Variants in DPP6 observed in about 807,000 individuals in gnomAD.
DPP6 encodes dipeptidyl peptidase like 6.
Under a neutral mutation model 122.6 loss-of-function variants are expected in DPP6, and 69 were observed. The ratio of observed to expected loss-of-function variants is 0.56; its 90% CI spans 0.46 to 0.69. The LOEUF (loss-of-function observed/expected upper bound fraction) is 0.69. Among genes scored for constraint, DPP6 ranks in the 30% least tolerant of loss-of-function variants. DPP6 has a pLI of 0.00. For missense variants in DPP6, 928 were observed against 1,116.9 expected, an observed-to-expected ratio of 0.83 and a Z score of 2.41; for synonymous variants, 418 against 433.1, an observed-to-expected ratio of 0.97 and a Z score of 0.43.
the DPP6 span, among the ~76,000 whole-genome samples, chr7:153,797,902 C>T: frequency 7.9e-5 from 12 of 152,112 alleles, no homozygotes; most frequent in South Asian, 1.0e-3. Flanking sequence ...AGTGCGGTGG[C>T]GAGATCTTGG....
chr7:154,677,379 T>G (rs1415716329), intron 7 of DPP6, among the ~76,000 whole-genome samples: 1 of 150,000 alleles, frequency 6.7e-6, no homozygotes, highest in Non-Finnish European at 1.5e-5. Context: ...TCAAGAAAAT[T>G]GGAGTTGAGG....
chr7:154,775,344 C>T lies in DPP6; in HGVS notation c.1136+2402C>T, dbSNP rs142612580. On this transcript the variant is annotated intron_variant, in intron 10 of 25. Transcript: ENST00000377770. ...GGATCATAGGGCTGGTTCCTCCAAT[C>T]GTTCCATCTTGTGGCTATACATACC... Among the ~76,000 whole-genome samples, 763 of 152,310 alleles carry T rather than the reference C, an allele frequency of 5.0e-3. 8 individuals are homozygous for T. Among genetic ancestry groups the T allele is most frequent in the Non-Finnish European group, 8.5e-3 (576 of 68,030 alleles).
At chr7:153,944,674 T>A in intron 1 of DPP6, among the ~76,000 whole-genome samples, 1 of 144,174 alleles carries the variant, frequency 6.9e-6, no homozygotes. Context: ...GTTTTTTTTT[T>A]TTTTTTTTTT....
At chr7:153,798,304 C>T in the DPP6 span, among the ~76,000 whole-genome samples, 1 of 152,176 alleles carries the variant, frequency 6.6e-6, no homozygotes, top group Non-Finnish European at 1.5e-5. Context: ...AGAAATTCAG[C>T]CCATAGCATC....
chr7:153,873,151 G>A, the DPP6 span, among the ~76,000 whole-genome samples: 4 of 152,186 alleles, frequency 2.6e-5, no homozygotes, highest in African/African-American at 9.6e-5. Context: ...AAAGCAGAGG[G>A]GGAGGTGCCA....
chr7:154,061,257 T>A (rs202219652), intron 1 of DPP6, among the ~76,000 whole-genome samples: 15,178 of 101,544 alleles, frequency 0.15, 22 homozygotes, highest in Admixed American at 0.22. Context: ...GAAATGGGGA[T>A]CCCAACAACA....
chr7:154,788,336 C>T (rs759436595), intron 10 of DPP6, among the ~76,000 whole-genome samples: 8 of 151,482 alleles, frequency 5.3e-5, no homozygotes, highest in Admixed American at 3.3e-4. Flanking sequence ...CTCAGCTATT[C>T]GGGAGACTGA....
chr7:154,203,218 A>T (rs1799262704), intron 1 of DPP6, among the ~76,000 whole-genome samples: 1 of 152,186 alleles, frequency 6.6e-6, no homozygotes, highest in African/African-American at 2.4e-5. Flanking sequence ...TTTAGAGTGC[A>T]TGGGGCTGCT....
intron 12 of DPP6, among the ~76,000 whole-genome samples, chr7:154,798,002 A>C (rs1336582316): frequency 6.6e-6 from 1 of 152,224 alleles, no homozygotes; most frequent in Non-Finnish European, 1.5e-5. Flanking sequence ...ATGGAGCAGG[A>C]GGCCCTATGC....
intron 1 of DPP6, among the ~76,000 whole-genome samples, chr7:154,023,318 G>GCACGCGCACGCGCACACA (rs373378162): frequency 7.7e-6 from 1 of 129,528 alleles, no homozygotes; most frequent in African/African-American, 3.2e-5. Flanking sequence ...TTTCTTGTCT[G>GCACGCGCACGCGCACACA]CACACACACA....
chr7:154,126,552 A>G (rs1406125938), intron 1 of DPP6, among the ~76,000 whole-genome samples: 2 of 151,562 alleles, frequency 1.3e-5, no homozygotes, highest in African/African-American at 4.9e-5. Flanking sequence ...ACATGTCCAC[A>G]GGATTTTGCT....
At chr7:154,576,857 T>C (rs1425411120) in intron 5 of DPP6, among the ~76,000 whole-genome samples, 2 of 152,096 alleles carry the variant, frequency 1.3e-5, no homozygotes, top group African/African-American at 4.8e-5. Context: ...GGAGTGGTGA[T>C]TGCCACAGGC....
At chr7:153,966,651 G>C (rs1351979395) in intron 1 of DPP6, among the ~76,000 whole-genome samples, 1 of 143,788 alleles carries the variant, frequency 7.0e-6, no homozygotes, top group Non-Finnish European at 1.5e-5. Flanking sequence ...TGTGCACAAC[G>C]TGCAGGTTTG....
At chr7:154,536,315 G>T (rs1828251272) in intron 3 of DPP6, among the ~76,000 whole-genome samples, 1 of 152,072 alleles carries the variant, frequency 6.6e-6, no homozygotes, top group Non-Finnish European at 1.5e-5. Context: ...ACAGTAAAGG[G>T]GCATAGAGGT....
chr7:154,399,368 T>C (rs1395709704), intron 1 of DPP6, among the ~76,000 whole-genome samples: 1 of 152,236 alleles, frequency 6.6e-6, no homozygotes, highest in Non-Finnish European at 1.5e-5. Flanking sequence ...GTAACACTTT[T>C]CTTAATTTTT....
the DPP6 span, among the ~76,000 whole-genome samples, chr7:153,839,069 T>G: frequency 6.6e-6 from 1 of 152,266 alleles, no homozygotes; most frequent in East Asian, 1.9e-4. Context: ...CTAAGAAGTT[T>G]CCAGATGCTG....
intron 1 of DPP6, among the ~76,000 whole-genome samples, chr7:154,060,356 G>A (rs1401846788): frequency 8.0e-6 from 1 of 125,544 alleles, no homozygotes; most frequent in African/African-American, 3.2e-5. Flanking sequence ...GCGAGGCAGG[G>A]ACTGAGAGCC....
At chr7:154,431,450 TC>T (rs1056065005) in intron 1 of DPP6, among the ~76,000 whole-genome samples, 1 of 1,686 alleles carries the variant, frequency 5.9e-4, no homozygotes. Context: ...TCCTTTCTTT[TC>T]TTTTCTTTTC....
intron 3 of DPP6, among the ~76,000 whole-genome samples, chr7:154,489,689 C>T (rs1824106433): frequency 1.3e-5 from 2 of 152,044 alleles, no homozygotes; most frequent in Admixed American, 1.3e-4. Context: ...TTCATTCCCC[C>T]TCTTCTCTGA....
Sources: gnomAD v4.1 joint callset for allele counts (sites outside exome capture counted in the v4.1 genomes callset) on GRCh38, gnomAD v4.1.1 for gene constraint, MANE v1.5 for transcripts, NCBI Gene and HGNC (gene_info 2026-07-23, HGNC 2026-07-21) for gene names.